CCDC180: variants seen among roughly 807,000 people sequenced by gnomAD.
The protein encoded by CCDC180 is coiled-coil domain-containing protein 180.
A neutral mutation model predicts 209.2 loss-of-function variants in CCDC180; 154 were observed. The ratio of observed to expected loss-of-function variants is 0.74; its 90% CI spans 0.65 to 0.84. The LOEUF is 0.84. CCDC180 is among the 40% of genes least tolerant of loss of function. The probability of loss-of-function intolerance (pLI) is 0.00; values close to 1 mark genes in which losing one functional copy is unlikely to be tolerated. For missense variants in CCDC180, 1,874 were observed against 1,997.3 expected (o/e 0.94, Z 1.18); for synonymous variants, 778 against 749.1 (o/e 1.04, Z -0.63).
intron 19 of CCDC180, 65 bp downstream of exon 19, chr9:97,343,628 A>G: frequency 3.3e-6 from 1 of 299,584 alleles, no homozygotes; most frequent in South Asian, 9.1e-5. Flanking sequence ...GTGAAATATT[A>G]AAAAAAAAAA....
At chr9:97,323,417 C>T (rs1422563153) in intron 12 of CCDC180, among the ~76,000 whole-genome samples, 1 of 152,180 alleles carries the variant, frequency 6.6e-6, no homozygotes. Flanking sequence ...ACAGTAAACT[C>T]GTTCCCAAAC....
intron 25 of CCDC180, chr9:97,358,117 CT>C (rs71487322): frequency 1.4e-3 from 161 of 112,232 alleles, no homozygotes; most frequent in African/African-American, 2.4e-3. Context: ...TTTCCACTTG[CT>C]TTTTTTTTTT....
At chr9:97,374,335 C>G (rs1192195597) in intron 34 of CCDC180, 167 of 553,056 alleles carry the variant, frequency 3.0e-4, no homozygotes, top group Non-Finnish European at 2.9e-5. Context: ...CGCTTAGATT[C>G]CTCCATCCAT....
At chr9:97,374,753 A>C (rs1827197744) in intron 35 of CCDC180, 105 bp downstream of exon 35, 1 of 839,730 alleles carries the variant, frequency 1.2e-6, no homozygotes, top group Non-Finnish European at 1.9e-6. Context: ...CAGACCTGGG[A>C]AAGGCATTGT....
intron 28 of CCDC180, chr9:97,363,627 T>TGATACACTAATGCTGAAAA: frequency 1.9e-6 from 1 of 534,454 alleles, no homozygotes; most frequent in Middle Eastern, 3.2e-4. Context: ...ATACTGCATG[T>TGATACACTAATGCTGAAAA]GATACACTAA....
rs1273849637 is a variant in CCDC180 at position 97,378,017 on chromosome 9, C to G, written c.*1123C>G. ...GGCCAGCTGAGGCAACATGACGAAA[C>G]CCCATATCTACTAAAAATACAAAAA... On this transcript the variant is annotated 3_prime_UTR_variant, in exon 37 of 37. Transcript: ENST00000529487. 3.3e-5 allele frequency: 5 copies of G among 152,094 alleles called. No homozygotes were observed. The highest frequency in any genetic ancestry group is 3.3e-4 in the Admixed American group (5 of 15,264). The allele number at this position is 152,094 out of a possible 1,614,324, so 9.4% of individuals were successfully genotyped here.
At chr9:97,358,313 G>A (rs1162805029) in intron 25 of CCDC180, among the ~76,000 whole-genome samples, 1 of 151,946 alleles carries the variant, frequency 6.6e-6, no homozygotes, top group African/African-American at 2.4e-5. Flanking sequence ...TAGAGACAGG[G>A]TTTCACCATG....
At chr9:97,324,918 A>T in intron 13 of CCDC180, 101 bp from the exon 14 acceptor site, 2 of 1,106,074 alleles carry the variant, frequency 1.8e-6, no homozygotes, top group Non-Finnish European at 1.3e-6. Flanking sequence ...TCTGGGCAAT[A>T]CTGTTCAGTC....
At chr9:97,374,428 TCCAAGTGGGAGGAGGGGTG>T (rs2118023215) in intron 34 of CCDC180, 96 bp from the exon 35 acceptor site, 1 of 748,476 alleles carries the variant, frequency 1.3e-6, no homozygotes, top group East Asian at 2.7e-5. Context: ...CTGCCATAAC[TCCAAGTGGGAGGAGGGGTG>T]CCAGTCCTCC....
chr9:97,359,369 A>G (rs1490433795), intron 25 of CCDC180, among the ~76,000 whole-genome samples: 13 of 152,276 alleles, frequency 8.5e-5, no homozygotes, highest in East Asian at 5.8e-4. Flanking sequence ...TCATGTGAGC[A>G]TGGGTGTGCG....
At chr9:97,333,503 G>GTTTTTGTTTTTTTTTTTTTTTTT (rs1564157871) in intron 18 of CCDC180, among the ~76,000 whole-genome samples, 1 of 72,850 alleles carries the variant, frequency 1.4e-5, no homozygotes, top group Admixed American at 1.3e-4. Flanking sequence ...CTGGGTTTGG[G>GTTTTTGTTTTTTTTTTTTTTTTT]TTTTTTTTTT....
intron 36 of CCDC180, chr9:97,376,281 A>C (rs1378256845): frequency 6.3e-6 from 1 of 157,956 alleles, no homozygotes; most frequent in Admixed American, 6.0e-5. Flanking sequence ...CTGCCCAGAG[A>C]CCAGCTGGCC....
Position 97,317,096 on chromosome 9 carries a change from A to T in CCDC180, c.827A>T (p.Lys276Met). Residue 276 changes from lysine (K) to methionine (M), a missense_variant, in exon 9 of 37, where the codon AAG becomes ATG. Physicochemically the swap from Lys to Met is moderately conservative, Grantham distance 95. Transcript: ENST00000529487. ...VMNYALLGNR[K>M]ALAQLFVNLM... ...AACTATGCCCTGCTGGGCAACCGGA[A>T]GGCTCTCGCCCAGCTGTTTGTCAAC... 1 of 1,613,240 alleles carries T rather than the reference A, an allele frequency of 6.2e-7. No individual in the cohort carries two copies. The highest frequency in any genetic ancestry group is 8.5e-7 in the Non-Finnish European group (1 of 1,179,666).
At chr9:97,315,820 T>C (rs918747543) in intron 8 of CCDC180, among the ~76,000 whole-genome samples, 2 of 152,158 alleles carry the variant, frequency 1.3e-5, no homozygotes, top group African/African-American at 4.8e-5. Flanking sequence ...CTGAAATGAC[T>C]CAGCCCCTGA....
At chr9:97,347,244 C>A in intron 19 of CCDC180, 70 bp from the exon 20 acceptor site, 3 of 1,448,766 alleles carry the variant, frequency 2.1e-6, no homozygotes, top group South Asian at 1.3e-5. Context: ...CACTTTGGGT[C>A]TCCATATGGA....
At chr9:97,339,778 G>A (rs1408578832) in intron 18 of CCDC180, among the ~76,000 whole-genome samples, 1 of 152,174 alleles carries the variant, frequency 6.6e-6, no homozygotes, top group Non-Finnish European at 1.5e-5. Context: ...CATTCTGCCT[G>A]TCACTTTCAG....
At chr9:97,344,740 G>T (rs1188970427) in intron 19 of CCDC180, among the ~76,000 whole-genome samples, 1 of 152,150 alleles carries the variant, frequency 6.6e-6, no homozygotes, top group African/African-American at 2.4e-5. Context: ...AACTGATTGG[G>T]TTTGCATACT....
At chr9:97,365,787 G>A in intron 30 of CCDC180, 48 bp downstream of exon 30, 1 of 1,545,948 alleles carries the variant, frequency 6.5e-7, no homozygotes, top group Non-Finnish European at 8.9e-7. Context: ...AACCACGCCT[G>A]CCTTCTGCAG....
At chr9:97,316,969 C>G in intron 8 of CCDC180, 96 bp from the exon 9 acceptor site, 1 of 1,253,558 alleles carries the variant, frequency 8.0e-7, no homozygotes, top group Non-Finnish European at 1.1e-6. Flanking sequence ...CTGCACCTCC[C>G]CTCTCCAGCC....
Sources: allele counts gnomAD v4.1 joint callset (sites outside exome capture counted in the v4.1 genomes callset), GRCh38; gene constraint gnomAD v4.1.1; transcripts MANE v1.5; gene names NCBI Gene and HGNC (gene_info 2026-07-23, HGNC 2026-07-21).